The following NRG3 variants were observed in gnomAD, a reference collection of about 807,000 sequenced individuals.
NRG3 encodes the protein pro-neuregulin-3, membrane-bound isoform.
In NRG3, 31 loss-of-function variants were observed where a neutral mutation model predicts 66.9. The observed-to-expected ratio is 0.46, with a 90% CI of 0.35 to 0.63. The LOEUF (loss-of-function observed/expected upper bound fraction) is 0.63. Among genes scored for constraint, NRG3 ranks in the 20% least tolerant of loss-of-function variants. NRG3 has a pLI of 0.00. For missense variants in NRG3, 910 were observed against 878.9 expected (o/e 1.04, Z -0.45); for synonymous variants, 393 against 359.4 (o/e 1.09, Z -1.06).
At chr10:82,558,681 C>T (rs925454276) in intron 2 of NRG3, among the ~76,000 whole-genome samples, 1 of 152,124 alleles carries the variant, frequency 6.6e-6, no homozygotes, top group African/African-American at 2.4e-5. Context: ...ACGTCAAATT[C>T]GCATTTCTCT....
intron 1 of NRG3, among the ~76,000 whole-genome samples, chr10:81,990,587 T>G (rs2060701145): frequency 6.6e-6 from 1 of 152,172 alleles, no homozygotes. Flanking sequence ...GTAAGATAAG[T>G]TTATTAACAG....
At chr10:81,982,146 C>T (rs1003169620) in intron 1 of NRG3, among the ~76,000 whole-genome samples, 5 of 152,130 alleles carry the variant, frequency 3.3e-5, no homozygotes, top group Non-Finnish European at 7.4e-5. Context: ...CTAGACTGTA[C>T]CTTCAACACT....
At chr10:82,057,298 C>G (rs1266342566) in intron 1 of NRG3, among the ~76,000 whole-genome samples, 9 of 108,540 alleles carry the variant, frequency 8.3e-5, no homozygotes, top group Non-Finnish European at 1.6e-4. Flanking sequence ...TTTGTTAGTT[C>G]TTTTTTCCTA....
At chr10:82,286,822 G>A (rs181099725) in intron 1 of NRG3, among the ~76,000 whole-genome samples, 76 of 152,208 alleles carry the variant, frequency 5.0e-4, no homozygotes, top group African/African-American at 1.6e-3. Context: ...TCCTGACCTC[G>A]TGATCTGCCC....
intron 1 of NRG3, among the ~76,000 whole-genome samples, chr10:82,075,883 T>C (rs4562759): frequency 0.39 from 58,603 of 151,192 alleles, 13,982 homozygotes; most frequent in South Asian, 0.56. Context: ...TGGTTTTTCA[T>C]TGGAATTATG....
chr10:82,861,587 A>T (rs182744835), intron 3 of NRG3, among the ~76,000 whole-genome samples: 92 of 152,320 alleles, frequency 6.0e-4, no homozygotes, highest in African/African-American at 2.1e-3. Context: ...ACAAAGCCCG[A>T]TGCTCCATAT....
chr10:81,988,930 G>C (rs2060630825), intron 1 of NRG3, among the ~76,000 whole-genome samples: 1 of 151,830 alleles, frequency 6.6e-6, no homozygotes, highest in Non-Finnish European at 1.5e-5. Flanking sequence ...GGAAAGGCTG[G>C]GTAGAAGAAC....
intron 1 of NRG3, among the ~76,000 whole-genome samples, chr10:82,161,056 T>A (rs2071557068): frequency 6.6e-6 from 1 of 151,998 alleles, no homozygotes; most frequent in Admixed American, 6.6e-5. Context: ...TGCTATTTCC[T>A]GAGAGAGGAA....
At chr10:82,136,765 C>T (rs536255274) in intron 1 of NRG3, among the ~76,000 whole-genome samples, 1 of 152,200 alleles carries the variant, frequency 6.6e-6, no homozygotes, top group East Asian at 1.9e-4. Flanking sequence ...TGGATGACTC[C>T]CCTCTGGCTA....
intron 1 of NRG3, among the ~76,000 whole-genome samples, chr10:82,192,561 TA>T (rs2074209894): frequency 6.6e-6 from 1 of 152,100 alleles, no homozygotes; most frequent in African/African-American, 2.4e-5. Context: ...AAACTCCAGG[TA>T]AAAAAATTCC....
chr10:82,557,978 A>C (rs1267970848), intron 2 of NRG3, among the ~76,000 whole-genome samples: 1 of 152,134 alleles, frequency 6.6e-6, no homozygotes, highest in African/African-American at 2.4e-5. Context: ...TAAAAGATGA[A>C]AGAGAGGTTT....
At chr10:82,671,090 A>C (rs565965784) in intron 2 of NRG3, among the ~76,000 whole-genome samples, 7 of 152,260 alleles carry the variant, frequency 4.6e-5, no homozygotes, top group African/African-American at 1.4e-4. Flanking sequence ...TGCATCCACA[A>C]TATGTTGCCA....
At chr10:81,887,345 C>T (rs1158400327) in intron 1 of NRG3, among the ~76,000 whole-genome samples, 2 of 152,080 alleles carry the variant, frequency 1.3e-5, no homozygotes, top group African/African-American at 4.8e-5. Flanking sequence ...ATGGCTCTTC[C>T]AGTCTGCAGA....
intron 1 of NRG3, among the ~76,000 whole-genome samples, chr10:82,329,437 GTT>G (rs529385530): frequency 0.036 from 4,076 of 112,974 alleles, 79 homozygotes; most frequent in African/African-American, 0.068. Context: ...TTCCTTCTTG[GTT>G]TTTTTTTTTT....
intron 2 of NRG3, among the ~76,000 whole-genome samples, chr10:82,601,786 G>T (rs2047646394): frequency 6.7e-6 from 1 of 148,802 alleles, no homozygotes; most frequent in Non-Finnish European, 1.5e-5. Context: ...GAGGCGGAAG[G>T]ATCACTTGAA....
intron 2 of NRG3, among the ~76,000 whole-genome samples, chr10:82,707,891 G>A (rs11195663): frequency 0.23 from 34,058 of 148,390 alleles, 4,104 homozygotes; most frequent in Middle Eastern, 0.36. Context: ...GTGTGGTGGC[G>A]CATGCCTGTA....
At chr10:82,501,599 C>A (rs1844196381) in intron 2 of NRG3, among the ~76,000 whole-genome samples, 1 of 152,148 alleles carries the variant, frequency 6.6e-6, no homozygotes, top group Non-Finnish European at 1.5e-5. Context: ...TACCGGGGAG[C>A]CTCTTGCCTT....
chr10:82,280,360 C>A (rs576723935), intron 1 of NRG3, among the ~76,000 whole-genome samples: 63 of 152,140 alleles, frequency 4.1e-4, no homozygotes, highest in Non-Finnish European at 2.1e-4. Flanking sequence ...ACTGGCAGAG[C>A]CTTTTGACAA....
At chr10:82,322,020 T>C (rs1395309338) in intron 1 of NRG3, among the ~76,000 whole-genome samples, 1 of 152,186 alleles carries the variant, frequency 6.6e-6, no homozygotes, top group Admixed American at 6.5e-5. Flanking sequence ...TTCAAAAATA[T>C]AAAGAACTCC....
Sources: allele counts gnomAD v4.1 joint callset (sites outside exome capture counted in the v4.1 genomes callset), GRCh38; gene constraint gnomAD v4.1.1; transcripts MANE v1.5; gene names NCBI Gene and HGNC (gene_info 2026-07-23, HGNC 2026-07-21).